The following TMC1 variants were observed in gnomAD, a reference collection of about 807,000 sequenced individuals.
The protein encoded by TMC1 is transmembrane channel like 1, also known as transmembrane channel-like protein 1.
A neutral mutation model predicts 105.8 loss-of-function variants in TMC1; 84 were observed. The ratio of observed to expected loss-of-function variants is 0.79; its 90% CI spans 0.67 to 0.95. TMC1 has a LOEUF of 0.95. Ranked by LOEUF, TMC1 falls within the 40% of genes least tolerant of loss-of-function variation. The pLI, the probability that TMC1 is intolerant of heterozygous loss-of-function variation, is 0.00. For missense variants in TMC1, 817 were observed against 914.1 expected (o/e 0.89, Z 1.37); for synonymous variants, 315 against 311.5 (o/e 1.01, Z -0.12).
chr9:72,808,530 C>G (rs905102776), intron 18 of TMC1, among the ~76,000 whole-genome samples: 2 of 152,222 alleles, frequency 1.3e-5, no homozygotes, highest in African/African-American at 4.8e-5. Context: ...CTATCTCCCT[C>G]TGTTAGAAAG....
At chr9:72,705,977 G>T (rs1284473750) in intron 8 of TMC1, among the ~76,000 whole-genome samples, 1 of 152,150 alleles carries the variant, frequency 6.6e-6, no homozygotes, top group South Asian at 2.1e-4. Context: ...CACTTAAACA[G>T]GTGCTTCAAA....
At chr9:72,806,854 G>A (rs1210619347) in intron 18 of TMC1, among the ~76,000 whole-genome samples, 1 of 152,236 alleles carries the variant, frequency 6.6e-6, no homozygotes, top group Non-Finnish European at 1.5e-5. Context: ...TCACTTCCCA[G>A]ACGGGGTGGC....
intron 8 of TMC1, among the ~76,000 whole-genome samples, chr9:72,712,170 A>C (rs1826848151): frequency 6.6e-6 from 1 of 152,126 alleles, no homozygotes; most frequent in Non-Finnish European, 1.5e-5. Flanking sequence ...TTGCTACTGT[A>C]GCCTTGTAGT....
chr9:72,828,424 C>G (rs988416932), intron 21 of TMC1, among the ~76,000 whole-genome samples: 1 of 151,788 alleles, frequency 6.6e-6, no homozygotes, highest in African/African-American at 2.4e-5. Flanking sequence ...GTTTAAAACA[C>G]ACACACACAC....
intron 1 of TMC1, among the ~76,000 whole-genome samples, chr9:72,557,779 C>T (rs182109914): frequency 1.5e-4 from 23 of 152,244 alleles, no homozygotes; most frequent in Non-Finnish European, 2.4e-4. Flanking sequence ...TTGCCTGTGG[C>T]ATTGATCTGC....
intron 2 of TMC1, among the ~76,000 whole-genome samples, chr9:72,585,505 A>C (rs1824541788): frequency 1.3e-5 from 2 of 152,166 alleles, no homozygotes; most frequent in Non-Finnish European, 2.9e-5. Flanking sequence ...AAGAGGAAAG[A>C]ATAAGACAAT....
At chr9:72,552,315 C>T (rs1027630732) in intron 1 of TMC1, among the ~76,000 whole-genome samples, 6 of 152,112 alleles carry the variant, frequency 3.9e-5, no homozygotes, top group Non-Finnish European at 7.4e-5. Flanking sequence ...GTCTCTTCCC[C>T]CTGCTGTCAC....
chr9:72,625,181 T>C lies in TMC1; in HGVS notation c.-195-2740T>C, dbSNP rs535718837. 7.9e-5 allele frequency among the ~76,000 whole-genome samples: 12 copies of C among 152,264 alleles called. No homozygotes were observed. In the South Asian group the frequency reaches 1.5e-3, roughly 18 times the overall value. On this transcript the variant is annotated intron_variant, in intron 3 of 23. Coordinates refer to ENST00000297784, the MANE Select transcript of TMC1 (RefSeq NM_138691.3). ...GCTAGTTTAGAAAAGACCATGTTTG[T>C]TTCTCTGGAGACACTTGCTCTGGGA...
intron 1 of TMC1, among the ~76,000 whole-genome samples, chr9:72,535,271 A>G (rs1165979506): frequency 6.6e-6 from 1 of 152,202 alleles, no homozygotes; most frequent in African/African-American, 2.4e-5. Flanking sequence ...TTAGGATTGC[A>G]GGAGGAAACT....
chr9:72,562,593 A>G (rs1824076422), intron 1 of TMC1, among the ~76,000 whole-genome samples: 1 of 152,196 alleles, frequency 6.6e-6, no homozygotes, highest in South Asian at 2.1e-4. Flanking sequence ...CAGACATTGT[A>G]TTGGAAACTG....
intron 13 of TMC1, among the ~76,000 whole-genome samples, chr9:72,787,857 ATTTACATAGGAGTTTC>A (rs1283580676): frequency 6.6e-6 from 1 of 152,174 alleles, no homozygotes; most frequent in Non-Finnish European, 1.5e-5. Context: ...GGGAATTAAA[ATTTACATAGGAGTTTC>A]TTTGCCTGGT....
intron 17 of TMC1, among the ~76,000 whole-genome samples, chr9:72,793,582 C>G (rs1828313179): frequency 6.6e-6 from 1 of 152,170 alleles, no homozygotes; most frequent in Non-Finnish European, 1.5e-5. Context: ...ACTGGGGTCT[C>G]CAACCACCTC....
intron 12 of TMC1, among the ~76,000 whole-genome samples, chr9:72,765,208 T>C (rs1293232415): frequency 6.6e-6 from 1 of 152,082 alleles, no homozygotes; most frequent in Non-Finnish European, 1.5e-5. Flanking sequence ...AGAAGAAAGA[T>C]ATGTTTGGGC....
intron 2 of TMC1, among the ~76,000 whole-genome samples, chr9:72,582,578 T>C (rs1014874713): frequency 5.3e-5 from 8 of 152,226 alleles, no homozygotes; most frequent in Admixed American, 5.2e-4. Flanking sequence ...TCTTCTCCCC[T>C]TTCTTATTGC....
At chr9:72,611,602 T>C (rs967725556) in intron 2 of TMC1, among the ~76,000 whole-genome samples, 2 of 152,072 alleles carry the variant, frequency 1.3e-5, no homozygotes, top group African/African-American at 4.8e-5. Context: ...GCAGGAGGAA[T>C]GGGGAGCATG....
chr9:72,682,953 A>T (rs1291669994), intron 5 of TMC1, among the ~76,000 whole-genome samples: 1 of 152,128 alleles, frequency 6.6e-6, no homozygotes, highest in Non-Finnish European at 1.5e-5. Flanking sequence ...GAGCAGGAGG[A>T]AGAGAGAGAA....
At chr9:72,587,442 G>T (rs1034103378) in intron 2 of TMC1, among the ~76,000 whole-genome samples, 2 of 152,314 alleles carry the variant, frequency 1.3e-5, no homozygotes, top group South Asian at 4.1e-4. Context: ...ACAGGCATGA[G>T]CCACTGTGCC....
At chr9:72,766,825 A>C (rs924226063) in intron 12 of TMC1, among the ~76,000 whole-genome samples, 2 of 152,204 alleles carry the variant, frequency 1.3e-5, no homozygotes, top group Non-Finnish European at 2.9e-5. Context: ...TTTCATGTCT[A>C]TGAATCTGGG....
At chr9:72,778,524 G>A (rs1475826736) in intron 13 of TMC1, among the ~76,000 whole-genome samples, 2 of 152,154 alleles carry the variant, frequency 1.3e-5, no homozygotes, top group African/African-American at 4.8e-5. Flanking sequence ...CTGATAGGGG[G>A]AGCTGCTTGA....
Sources: gnomAD v4.1 joint callset for allele counts (sites outside exome capture counted in the v4.1 genomes callset) on GRCh38, gnomAD v4.1.1 for gene constraint, MANE v1.5 for transcripts, NCBI Gene and HGNC (gene_info 2026-07-23, HGNC 2026-07-21) for gene names.